The following BLTP1 variants were observed in gnomAD, a reference collection of about 807,000 sequenced individuals.
BLTP1 encodes fragile site-associated protein.
the BLTP1 span, among the ~76,000 whole-genome samples, chr4:122,313,389 A>C: frequency 6.6e-6 from 1 of 152,152 alleles, no homozygotes; most frequent in African/African-American, 2.4e-5. Flanking sequence ...CTAAAACTGC[A>C]GTTAAATTAT....
At chr4:122,207,109 G>A in the BLTP1 span, 4 of 1,589,026 alleles carry the variant, frequency 2.5e-6, no homozygotes, top group Non-Finnish European at 3.4e-6. Flanking sequence ...AATAATTTTA[G>A]ATTTAATTCA....
chr4:122,319,429 T>TA, the BLTP1 span, among the ~76,000 whole-genome samples: 1 of 152,034 alleles, frequency 6.6e-6, no homozygotes, highest in South Asian at 2.1e-4. Context: ...TTTTATATTT[T>TA]AAAATTTCTC....
the BLTP1 span, chr4:122,271,738 T>A: frequency 2.0e-6 from 3 of 1,510,258 alleles, no homozygotes; most frequent in South Asian, 4.0e-5. Flanking sequence ...ACAGACATTT[T>A]TATGTTTTAA....
the BLTP1 span, chr4:122,286,517 A>C: frequency 6.2e-7 from 1 of 1,613,454 alleles, no homozygotes; most frequent in Non-Finnish European, 8.5e-7. Flanking sequence ...TAGCACAAAC[A>C]ATAACTTTTC....
chr4:122,206,070 A>G, the BLTP1 span: 1 of 980,200 alleles, frequency 1.0e-6, no homozygotes. Context: ...AACAGACAAA[A>G]TATATGAACA....
At chr4:122,165,115 T>A in the BLTP1 span, among the ~76,000 whole-genome samples, 1 of 152,028 alleles carries the variant, frequency 6.6e-6, no homozygotes, top group Non-Finnish European at 1.5e-5. Context: ...TACATGTGCA[T>A]AACGTGCAGG....
chr4:122,357,103 A>C, the BLTP1 span: 1 of 878,894 alleles, frequency 1.1e-6, no homozygotes, highest in Non-Finnish European at 1.4e-6. Context: ...AGCATGAGTT[A>C]TTTACCTAAT....
the BLTP1 span, chr4:122,356,993 T>C: frequency 1.0e-6 from 1 of 983,590 alleles, no homozygotes. Context: ...TATGTACATT[T>C]TCAGTTAGAT....
chr4:122,341,173 G>C, the BLTP1 span, among the ~76,000 whole-genome samples: 3 of 152,174 alleles, frequency 2.0e-5, no homozygotes, highest in South Asian at 6.2e-4. Flanking sequence ...ATTCTTAGGA[G>C]AAATTCTTAA....
chr4:122,207,047 T>C, the BLTP1 span: 1 of 1,463,206 alleles, frequency 6.8e-7, no homozygotes, highest in Non-Finnish European at 9.3e-7. Flanking sequence ...AGAAAATCTG[T>C]GTTTTACTTT....
At chr4:122,163,589 A>C in the BLTP1 span, among the ~76,000 whole-genome samples, 3 of 152,238 alleles carry the variant, frequency 2.0e-5, no homozygotes, top group African/African-American at 7.2e-5. Context: ...AAACATTTAT[A>C]CAATTCAGTA....
the BLTP1 span, among the ~76,000 whole-genome samples, chr4:122,183,775 A>G: frequency 4.6e-5 from 7 of 152,116 alleles, no homozygotes; most frequent in Non-Finnish European, 1.0e-4. Flanking sequence ...TCTAGGGTTA[A>G]TAGCATGGGA....
At chr4:122,258,615 C>G in the BLTP1 span, 1 of 1,453,380 alleles carries the variant, frequency 6.9e-7, no homozygotes, top group Non-Finnish European at 9.1e-7. Context: ...AGTTGAGTGT[C>G]ATTATATAAC....
At chr4:122,247,964 A>G in the BLTP1 span, 2 of 985,108 alleles carry the variant, frequency 2.0e-6, no homozygotes, top group African/African-American at 1.7e-5. Flanking sequence ...CGTATTTGAG[A>G]TGATTGCTCT....
the BLTP1 span, chr4:122,266,655 TCACAC>T: frequency 1.3e-6 from 1 of 789,066 alleles, no homozygotes; most frequent in Non-Finnish European, 1.8e-6. Flanking sequence ...CATTTTTGCT[TCACAC>T]TATGATAATA....
chr4:122,179,847 A>G, the BLTP1 span: 1 of 985,230 alleles, frequency 1.0e-6, no homozygotes, highest in Non-Finnish European at 1.2e-6. Context: ...TCACAGAGAT[A>G]AATACACAGA....
chr4:122,333,593 T>C, the BLTP1 span: 11 of 1,544,866 alleles, frequency 7.1e-6, no homozygotes, highest in Admixed American at 2.1e-4. Context: ...AAATGTGTCA[T>C]TTTTTAAAAA....
the BLTP1 span, chr4:122,254,463 C>T: frequency 1.7e-3 from 2,189 of 1,289,864 alleles, 6 homozygotes; most frequent in Non-Finnish European, 1.8e-3. Flanking sequence ...ATTAAGGTTG[C>T]AACTTTTTCA....
the BLTP1 span, chr4:122,187,283 T>A: frequency 3.6e-6 from 5 of 1,381,598 alleles, no homozygotes; most frequent in South Asian, 9.6e-5. Context: ...TTCCTTCAGA[T>A]GATCATTGTT....
Sources: allele counts gnomAD v4.1 joint callset (sites outside exome capture counted in the v4.1 genomes callset), GRCh38; gene constraint gnomAD v4.1.1; transcripts MANE v1.5; gene names NCBI Gene and HGNC (gene_info 2026-07-23, HGNC 2026-07-21).